The following HNRNPL variants were observed in gnomAD, a reference collection of about 807,000 sequenced individuals.
HNRNPL encodes the protein heterogeneous nuclear ribonucleoprotein L, also known as epididymis secretory sperm binding protein.
HNRNPL carries 12 observed loss-of-function variants against 64.0 expected under a neutral mutation model. That is an observed-to-expected ratio of 0.19 (90% CI 0.12 to 0.30). The LOEUF is 0.30. Ranked by LOEUF, HNRNPL falls within the 10% of genes least tolerant of loss-of-function variation. The pLI, the probability that HNRNPL is intolerant of heterozygous loss-of-function variation, is 1.00. For synonymous variants in HNRNPL, 385 were observed against 313.0 expected (o/e 1.23, Z -2.43); for missense variants, 484 against 797.4 (o/e 0.61, Z 4.73).
intron 1 of HNRNPL, chr19:38,849,359 C>T (rs902499722): frequency 1.2e-5 from 3 of 246,012 alleles, no homozygotes; most frequent in African/African-American, 6.7e-5. Context: ...TGCGCCTGCG[C>T]ATGGAGCCAG....
rs748545430 is a variant in HNRNPL, at chr19:38,838,547, G to A, written c.1407C>T (p.Asp469=). ...IMPGQSYGLE[D]GSCSYKDFSE... The stretch of plus-strand genomic sequence containing the variant: ...TGAAGTCTTTGTAACTGCAAGACCC[G>A]TCTTCCAACCCGTATGACTGACCAG... Residue 469 remains aspartate, a synonymous_variant, in exon 10 of 13, where the codon GAC becomes GAT. Transcript: ENST00000221419. 15 of 1,613,990 alleles carry A rather than the reference G, an allele frequency of 9.3e-6. No individual in the cohort carries two copies. Among genetic ancestry groups the A allele is most frequent in the South Asian group, 8.8e-5 (8 of 91,082 alleles).
intron 8 of HNRNPL, 63 bp downstream of exon 8, chr19:38,840,033 C>A: frequency 6.5e-7 from 1 of 1,538,758 alleles, no homozygotes; most frequent in East Asian, 2.2e-5. Flanking sequence ...CTGGTTCTTT[C>A]CCGTGCTGAC....
chr19:38,846,382 G>A (rs529076198), intron 2 of HNRNPL, among the ~76,000 whole-genome samples: 1 of 152,258 alleles, frequency 6.6e-6, no homozygotes, highest in Admixed American at 6.5e-5. Flanking sequence ...ATCACTCTAG[G>A]AGGGCAACTT....
intron 6 of HNRNPL, chr19:38,840,792 TG>T: frequency 1.8e-6 from 1 of 542,674 alleles, no homozygotes. Context: ...GGCCTTGTTC[TG>T]TGAAGGACAA....
upstream of HNRNPL, chr19:38,850,111 T>C (rs948556886): frequency 1.7e-6 from 1 of 598,050 alleles, no homozygotes; most frequent in Admixed American, 4.3e-5. Flanking sequence ...TATTGGACAT[T>C]GCCCACGCCG....
chr19:38,847,728 A>AC (rs1301879768), intron 1 of HNRNPL: 9 of 208,842 alleles, frequency 4.3e-5, no homozygotes, highest in Admixed American at 1.8e-4. Flanking sequence ...TCTTCCAGGG[A>AC]CCCCCCTCTC....
chr19:38,838,313 A>G, intron 10 of HNRNPL, 84 bp downstream of exon 10: 1 of 1,153,670 alleles, frequency 8.7e-7, no homozygotes, highest in Non-Finnish European at 1.3e-6. Context: ...TTCAACAGCT[A>G]TTTGCAGAAA....
intron 6 of HNRNPL, chr19:38,841,244 T>C (rs921157930): frequency 1.6e-4 from 45 of 289,836 alleles, no homozygotes; most frequent in Non-Finnish European, 2.8e-4. Flanking sequence ...AACTTAGCGC[T>C]TAAGTGGCAG....
At position 38,840,470 on chromosome 19, in the gene HNRNPL, G is replaced by T; in HGVS notation, c.952+18C>A. 1 of 1,580,618 alleles carries T rather than the reference G, an allele frequency of 6.3e-7. No homozygotes were observed. The highest frequency in any genetic ancestry group is 8.6e-7 in the Non-Finnish European group (1 of 1,166,010). On this transcript the variant is annotated intron_variant, in intron 7 of 12. Coordinates refer to ENST00000221419, the MANE Select transcript of HNRNPL (RefSeq NM_001533.3). Reference sequence around the variant, plus strand: ...CATGAGCCACGGGAGTCCACGGAGGGGAACCCCCTGCCCTCACCATATTCT... The same window carrying T: ...CATGAGCCACGGGAGTCCACGGAGGTGAACCCCCTGCCCTCACCATATTCT...
intron 6 of HNRNPL, among the ~76,000 whole-genome samples, chr19:38,843,188 G>C (rs1972172414): frequency 6.6e-6 from 1 of 152,100 alleles, no homozygotes; most frequent in African/African-American, 2.4e-5. Context: ...GGTCTTGTTG[G>C]GGGGCTGCCG....
chr19:38,842,530 C>T (rs1972150973), intron 6 of HNRNPL, among the ~76,000 whole-genome samples: 1 of 151,958 alleles, frequency 6.6e-6, no homozygotes, highest in Non-Finnish European at 1.5e-5. Flanking sequence ...TTCCTTGGAG[C>T]GCGGTGTGGT....
chr19:38,837,732 G>A (rs1003289544), intron 10 of HNRNPL, 81 bp from the exon 11 acceptor site: 5 of 1,214,282 alleles, frequency 4.1e-6, no homozygotes, highest in Non-Finnish European at 6.0e-6. Flanking sequence ...GGCCCTGCAT[G>A]ACTCAGTACT....
Position 38,849,749 on chromosome 19 carries a change from C to T in HNRNPL, c.218G>A (p.Gly73Asp). Residue 73 changes from glycine (G) to aspartate (D), a missense_variant, in exon 1 of 13, where the codon GGC (glycine) becomes GAC (aspartate). Transcript: ENST00000221419. ...CCCGGCTCCTCCACCGCCACCGCCG[C>T]CGCCTCCGTGCTGGTCGCCGGCGTT... ...TDNAGDQHGG[G>D]GGGGGGAGAA... The T allele has an allele frequency of 7.2e-7, 1 of 1,395,270 alleles. No individual in the cohort carries two copies. Among genetic ancestry groups the T allele is most frequent in the Non-Finnish European group, 9.3e-7 (1 of 1,073,658 alleles). 86.4% of individuals were successfully genotyped at this position (1,395,270 alleles called of 1,614,324 possible). A position where few individuals can be genotyped will look rare whatever the true frequency, so the allele number is the denominator to read the frequency against.
At chr19:38,841,899 G>A (rs1055910348) in intron 6 of HNRNPL, 14 of 362,518 alleles carry the variant, frequency 3.9e-5, no homozygotes, top group Non-Finnish European at 5.4e-5. Context: ...GCTGCAGTGC[G>A]GTGGTGCGGT....
intron 2 of HNRNPL, among the ~76,000 whole-genome samples, chr19:38,846,668 G>A (rs1189033233): frequency 6.6e-6 from 1 of 152,150 alleles, no homozygotes; most frequent in African/African-American, 2.4e-5. Context: ...TAGCACTTTG[G>A]GAGGCCGAGG....
chr19:38,848,983 T>C (rs745971011), intron 1 of HNRNPL, among the ~76,000 whole-genome samples: 1 of 152,086 alleles, frequency 6.6e-6, no homozygotes, highest in Non-Finnish European at 1.5e-5. Flanking sequence ...ACTGGTGTTT[T>C]CGGAGGGACT....
In HNRNPL at chr19:38,846,085, A is replaced by G; in HGVS notation, c.392T>C (p.Val131Ala). 3.1e-6 allele frequency: 5 copies of G among 1,609,012 alleles called. No homozygotes were observed. The highest frequency in any genetic ancestry group is 4.3e-6 in the Non-Finnish European group (5 of 1,175,354). ...ALQEFGPISY[V>A]VVMPKKRQAL... is the part of the protein sequence containing the mutation. ...TTGTCTCTTTTTAGGCATTACCACC[A>G]CATAGCTGGCAGAGAGAACACAGGT... is the stretch of plus-strand genomic sequence containing the variant. The change falls in exon 3 of 13, where the codon GTG becomes GCG. Residue 131 changes from valine (V) to alanine (A), a missense_variant. Val to Ala is a moderately conservative substitution (Grantham distance 64). Transcript: ENST00000221419.
intron 1 of HNRNPL, 195 bp downstream of exon 1, chr19:38,849,505 A>C (rs60286661): frequency 1.4e-6 from 1 of 706,212 alleles, no homozygotes; most frequent in East Asian, 3.6e-5. Flanking sequence ...CCCGCTCCGG[A>C]CCCCGCGCAC....
chr19:38,838,803 C>T (rs1972014649), intron 9 of HNRNPL, 91 bp downstream of exon 9: 4 of 1,541,444 alleles, frequency 2.6e-6, no homozygotes, highest in African/African-American at 1.4e-5. Flanking sequence ...TGAGTCAACA[C>T]CTCGGCCTCA....
Sources: gnomAD v4.1 joint callset for allele counts (sites outside exome capture counted in the v4.1 genomes callset) on GRCh38, gnomAD v4.1.1 for gene constraint, MANE v1.5 for transcripts, NCBI Gene and HGNC (gene_info 2026-07-23, HGNC 2026-07-21) for gene names.